Variants in KDM3B observed in about 807,000 individuals in gnomAD.
KDM3B encodes lysine demethylase 3B.
In KDM3B, 10 loss-of-function variants were observed where a neutral mutation model predicts 170.0. The ratio of observed to expected loss-of-function variants is 0.06; its 90% CI spans 0.04 to 0.10. The LOEUF (loss-of-function observed/expected upper bound fraction) is 0.10. Among genes scored for constraint, KDM3B ranks in the 10% least tolerant of loss-of-function variants. KDM3B has a pLI of 1.00. For missense variants in KDM3B, 1,394 were observed against 2,195.2 expected, an observed-to-expected ratio of 0.64 and a Z score of 7.29; for synonymous variants, 831 against 834.8, an observed-to-expected ratio of 1.00 and a Z score of 0.08.
At chr5:138,421,253 G>A (rs951287205) in intron 15 of KDM3B, among the ~76,000 whole-genome samples, 3 of 152,010 alleles carry the variant, frequency 2.0e-5, no homozygotes, top group Non-Finnish European at 2.9e-5. Context: ...TTTTAACCTG[G>A]ACAGTACATT....
chr5:138,411,354 TA>T (rs1336958716), intron 11 of KDM3B, among the ~76,000 whole-genome samples: 7 of 152,248 alleles, frequency 4.6e-5, no homozygotes, highest in Non-Finnish European at 8.8e-5. Context: ...AATATTGGGA[TA>T]AAGAATAATT....
chr5:138,377,332 T>C (rs1441053196), intron 3 of KDM3B, among the ~76,000 whole-genome samples: 1 of 152,280 alleles, frequency 6.6e-6, no homozygotes, highest in East Asian at 1.9e-4. Flanking sequence ...TAATAGCCTA[T>C]TGTATGTAGA....
rs978905964 is a variant in KDM3B, at chr5:138,436,423, T to C, written c.*723T>C. The stretch of plus-strand genomic sequence containing the variant: ...ACATTACATTTAGTCTTCCTTTCGA[T>C]ATAAAACTCTTTGAAGAAATATGAT... On this transcript the variant is annotated 3_prime_UTR_variant, in exon 24 of 24. Coordinates refer to ENST00000314358, the MANE Select transcript of KDM3B (RefSeq NM_016604.4). The C allele has an allele frequency of 6.6e-6, 1 of 152,248 alleles. No homozygotes were observed. Among genetic ancestry groups the C allele is most frequent in the Non-Finnish European group, 1.5e-5 (1 of 68,046 alleles). 9.4% of individuals were successfully genotyped at this position (152,248 alleles called of 1,614,324 possible).
At chr5:138,418,547 C>G (rs111794258) in intron 13 of KDM3B, among the ~76,000 whole-genome samples, 1 of 152,120 alleles carries the variant, frequency 6.6e-6, no homozygotes, top group African/African-American at 2.4e-5. Context: ...ATAGATAAAG[C>G]AAATTATTTA....
rs1762272503 is a variant in KDM3B, at chr5:138,386,672, C to A, written c.1380+51C>A. On this transcript the variant is annotated intron_variant, in intron 7 of 23. Coordinates refer to ENST00000314358, the MANE Select transcript of KDM3B (RefSeq NM_016604.4). ...CAAGATTTGGGTTTACTCTTTCGCC[C>A]TCCTTTATTGCTAACATTAAAAAAC... is the stretch of plus-strand genomic sequence containing the variant. The A allele has an allele frequency of 7.0e-6, 11 of 1,567,630 alleles. 2 individuals carry two copies. In the South Asian group the frequency reaches 1.2e-4, roughly 17 times the overall value.
chr5:138,386,481 G>A lies in KDM3B; in HGVS notation c.1240G>A (p.Gly414Ser), dbSNP rs1365050740. ...KEAGKTLEQV[G>S]QGIVASAAVV... ...GGCAGGAAAAACACTGGAACAAGTT[G>A]GCCAGGGCATAGTGGCTTCCGCAGC... The change falls in exon 7 of 24, where the codon GGC becomes AGC. Residue 414 changes from glycine to serine, a missense_variant. By Grantham distance (56) the Gly-to-Ser change is moderately conservative. Around this residue, in one of 19 missense-constraint regions of KDM3B, gnomAD observed 205 missense variants for 227.6 expected, o/e 0.90. Transcript: ENST00000314358. 3 of 1,614,168 alleles carry A rather than the reference G, an allele frequency of 1.9e-6. No homozygotes were observed. The highest frequency in any genetic ancestry group is 2.5e-6 in the Non-Finnish European group (3 of 1,180,044).
At chr5:138,405,823 G>A (rs1762804625) in intron 11 of KDM3B, among the ~76,000 whole-genome samples, 1 of 152,104 alleles carries the variant, frequency 6.6e-6, no homozygotes, top group African/African-American at 2.4e-5. Flanking sequence ...GCAGCACAGA[G>A]GAAAAGAGGG....
At position 138,377,977 on chromosome 5, in the gene KDM3B, A is replaced by G. The variant is rs971834519; in HGVS notation, c.580+152A>G. On this transcript the variant is annotated intron_variant, in intron 4 of 23. Coordinates refer to ENST00000314358, the MANE Select transcript of KDM3B (RefSeq NM_016604.4). ...TGCCACATGAAAGATAATAATTATT[A>G]TTTATTAAAAAATAAAAATAAAGAG... 3 of 388,754 alleles carry G rather than the reference A, an allele frequency of 7.7e-6. 1 individual carries two copies. Among genetic ancestry groups the G allele is most frequent in the South Asian group, 9.0e-5 (1 of 11,070 alleles). 24.1% of individuals were successfully genotyped at this position (388,754 alleles called of 1,614,324 possible).
chr5:138,426,956 A>C lies in KDM3B; in HGVS notation c.4412-19A>C, dbSNP rs376353838. 2 of 1,594,028 alleles carry C rather than the reference A, an allele frequency of 1.3e-6. No homozygotes were observed. The highest frequency in any genetic ancestry group is 1.7e-6 in the Non-Finnish European group (2 of 1,161,960). ...AGCCAAACCAGCAGATGTTTGTGGGAGTATTCTCTGTCTTCCAGAACGACT... is the reference window on the plus strand; with the variant it reads ...AGCCAAACCAGCAGATGTTTGTGGGCGTATTCTCTGTCTTCCAGAACGACT... On this transcript the variant is annotated intron_variant, in intron 17 of 23. Coordinates refer to ENST00000314358, the MANE Select transcript of KDM3B (RefSeq NM_016604.4).
At chr5:138,404,933 C>T (rs72803873) in intron 11 of KDM3B, among the ~76,000 whole-genome samples, 23,627 of 151,172 alleles carry the variant, frequency 0.16, 2,014 homozygotes, top group Non-Finnish European at 0.18. Context: ...GACAGTGTTT[C>T]GCCATGTTAA....
At chr5:138,366,463 T>A (rs1561757706) in intron 1 of KDM3B, among the ~76,000 whole-genome samples, 1 of 152,112 alleles carries the variant, frequency 6.6e-6, no homozygotes, top group Non-Finnish European at 1.5e-5. Flanking sequence ...CCCAAGTAGC[T>A]GAGACTTATA....
In KDM3B at chr5:138,391,579, C is replaced by A. The variant is rs1762429956; in HGVS notation, c.1947C>A (p.Phe649Leu). 1 of 1,614,030 alleles carries A rather than the reference C, an allele frequency of 6.2e-7. No homozygotes were observed. The highest frequency in any genetic ancestry group is 1.7e-5 in the Admixed American group (1 of 60,008). ...AFVEKVEHSPFSSFASQASGS... is the reference protein window; with the variant it reads ...AFVEKVEHSPLSSFASQASGS... Reference sequence around the variant, plus strand: ...TGGAGAAAGTTGAACACAGCCCTTTCAGTAGTTTTGCATCTCAGGCATCAG... The same window carrying A: ...TGGAGAAAGTTGAACACAGCCCTTTAAGTAGTTTTGCATCTCAGGCATCAG... The change falls in exon 8 of 24, where the codon TTC becomes TTA. Residue 649 changes from phenylalanine to leucine, a missense_variant. Physicochemically the swap from Phe to Leu is conservative, Grantham distance 22 (BLOSUM62 0). Around this residue, in one of 19 missense-constraint regions of KDM3B, gnomAD observed 294 missense variants for 311.7 expected, o/e 0.94. Coordinates refer to ENST00000314358, the MANE Select transcript of KDM3B (RefSeq NM_016604.4). The surrounding 1 kb of genome is among the most constrained non-coding windows in gnomAD (Gnocchi z 5.0).
intron 21 of KDM3B, 129 bp downstream of exon 21, chr5:138,430,094 GA>G: frequency 7.1e-7 from 1 of 1,400,388 alleles, no homozygotes; most frequent in Non-Finnish European, 9.7e-7. Context: ...ACCTCTGGTG[GA>G]AAAGCCCAAA....
chr5:138,433,409 G>A (rs1467701472), intron 23 of KDM3B, among the ~76,000 whole-genome samples: 1 of 126,576 alleles, frequency 7.9e-6, no homozygotes, highest in African/African-American at 2.9e-5. Context: ...CACTGCGGCT[G>A]TTTTTTTTTT....
At chr5:138,397,549 G>C (rs1171721152) in intron 9 of KDM3B, among the ~76,000 whole-genome samples, 4 of 151,752 alleles carry the variant, frequency 2.6e-5, no homozygotes, top group Admixed American at 1.3e-4. Flanking sequence ...AAGTGGCTCT[G>C]TGTTAGCCGG....
Position 138,435,734 on chromosome 5 carries a change from G to T in KDM3B, c.*34G>T, listed in dbSNP as rs1442499146. On this transcript the variant is annotated 3_prime_UTR_variant, in exon 24 of 24. Transcript: ENST00000314358. Reference sequence around the variant, plus strand: ...AAACTCCAAGCTCCTCTGTGAAGCAGGTCTTTCACTCACAACACTTAACAG... The same window carrying T: ...AAACTCCAAGCTCCTCTGTGAAGCATGTCTTTCACTCACAACACTTAACAG... 3.3e-6 allele frequency: 5 copies of T among 1,527,982 alleles called. No individual in the cohort carries two copies. The highest frequency in any genetic ancestry group is 4.5e-6 in the Non-Finnish European group (5 of 1,107,770). The allele number at this position is 1,527,982 out of a possible 1,614,324, so 94.7% of individuals were successfully genotyped here.
Position 138,435,687 on chromosome 5 carries a change from T to C in KDM3B, c.5273T>C (p.Leu1758Pro). 6.2e-7 allele frequency: 1 copy of C among 1,613,328 alleles called. No homozygotes were observed. The highest frequency in any genetic ancestry group is 8.5e-7 in the Non-Finnish European group (1 of 1,179,544). Reference sequence around the variant, plus strand: ...ACCCTCAAGGCTCATGAATCCAAACTGGCAAGGTCCTAGGCATGGAGAAAC... The same window carrying C: ...ACCCTCAAGGCTCATGAATCCAAACCGGCAAGGTCCTAGGCATGGAGAAAC... ...VGTLKAHESKLARS is the reference protein window; with the variant it reads ...VGTLKAHESKPARS Residue 1758 changes from leucine (L) to proline (P), a missense_variant, in exon 24 of 24, where the codon CTG (leucine) becomes CCG (proline). Physicochemically the swap from Leu to Pro is moderately conservative, Grantham distance 98. Coordinates refer to ENST00000314358, the MANE Select transcript of KDM3B (RefSeq NM_016604.4).
intron 11 of KDM3B, among the ~76,000 whole-genome samples, chr5:138,404,067 T>G (rs11749205): frequency 0.14 from 21,660 of 151,612 alleles, 1,836 homozygotes; most frequent in South Asian, 0.25. Flanking sequence ...AAAGAAGCTA[T>G]CTAAAACAAA....
chr5:138,398,416 TC>T (rs1293324938), intron 10 of KDM3B, 24 bp downstream of exon 10: 1 of 1,597,962 alleles, frequency 6.3e-7, no homozygotes, highest in Non-Finnish European at 8.6e-7. Flanking sequence ...TCACTTGTCT[TC>T]CAGGTGCTCC....
Sources: gnomAD v4.1 joint callset for allele counts (sites outside exome capture counted in the v4.1 genomes callset) on GRCh38, gnomAD v4.1.1 for gene constraint, gnomAD v4.1.1 regional missense constraint, Gnocchi (gnomAD v3.1) non-coding constraint, MANE v1.5 for transcripts, NCBI Gene and HGNC (gene_info 2026-07-23, HGNC 2026-07-21) for gene names.